NUDC: variants seen among roughly 807,000 people sequenced by gnomAD.
NUDC encodes the protein nuclear distribution C, dynein complex regulator.
NUDC carries 14 observed loss-of-function variants against 45.0 expected under a neutral mutation model. That is an observed-to-expected ratio of 0.31 (90% CI 0.21 to 0.49). The LOEUF is 0.49. Among genes scored for constraint, NUDC ranks in the 20% least tolerant of loss-of-function variants. NUDC has a pLI of 0.99. For missense variants in NUDC, 323 were observed against 426.2 expected, an observed-to-expected ratio of 0.76 and a Z score of 2.13; for synonymous variants, 153 against 156.7, an observed-to-expected ratio of 0.98 and a Z score of 0.17.
At chr1:26,932,684 A>G (rs145805908) in intron 2 of NUDC, among the ~76,000 whole-genome samples, 2 of 152,242 alleles carry the variant, frequency 1.3e-5, no homozygotes, top group East Asian at 3.9e-4. Context: ...TAAGAAACAT[A>G]TTTGTAAGAC....
chr1:26,930,271 G>A (rs1379882135), intron 2 of NUDC, among the ~76,000 whole-genome samples: 1 of 152,134 alleles, frequency 6.6e-6, no homozygotes. Flanking sequence ...CTAGGCTCAG[G>A]CGGTCCTCTC....
chr1:26,922,278 C>T, intron 1 of NUDC: 2 of 393,258 alleles, frequency 5.1e-6, no homozygotes. Context: ...TTGGATCCAC[C>T]AAGGCTTGGG....
At chr1:26,937,962 G>T (rs1382785631) in intron 2 of NUDC, among the ~76,000 whole-genome samples, 1 of 152,188 alleles carries the variant, frequency 6.6e-6, no homozygotes, top group Admixed American at 6.5e-5. Flanking sequence ...ATTAGCATTT[G>T]AATAACAGCT....
chr1:26,918,870 C>T (rs1339020372), upstream of NUDC, among the ~76,000 whole-genome samples: 1 of 152,108 alleles, frequency 6.6e-6, no homozygotes, highest in Non-Finnish European at 1.5e-5. Flanking sequence ...GCCACTGCAC[C>T]CAGCCTAAGT....
intron 2 of NUDC, among the ~76,000 whole-genome samples, chr1:26,929,050 A>G (rs1295758186): frequency 6.6e-6 from 1 of 152,210 alleles, no homozygotes; most frequent in African/African-American, 2.4e-5. Flanking sequence ...ACAATGTGGT[A>G]TAGACATACT....
intron 2 of NUDC, among the ~76,000 whole-genome samples, chr1:26,903,650 T>C (rs1323449633): frequency 6.6e-6 from 1 of 152,054 alleles, no homozygotes; most frequent in Admixed American, 6.6e-5. Flanking sequence ...GAAGGATTGC[T>C]TGAGGCCAGG....
At chr1:26,929,868 A>G (rs1445406535) in intron 2 of NUDC, among the ~76,000 whole-genome samples, 1 of 152,044 alleles carries the variant, frequency 6.6e-6, no homozygotes, top group East Asian at 1.9e-4. Context: ...TACTAAAAAT[A>G]CAAAAATTAG....
chr1:26,932,955 A>G (rs1235401282), intron 2 of NUDC, among the ~76,000 whole-genome samples: 5 of 150,910 alleles, frequency 3.3e-5, no homozygotes, highest in Non-Finnish European at 7.4e-5. Flanking sequence ...CATTATATGT[A>G]TATATCACAA....
At chr1:26,940,970 G>A (rs1460566659) in intron 2 of NUDC, among the ~76,000 whole-genome samples, 3 of 151,654 alleles carry the variant, frequency 2.0e-5, no homozygotes, top group African/African-American at 4.8e-5. Context: ...TCACCAGGCT[G>A]GAGTGCAGTG....
At chr1:26,921,303 C>A (rs1428989459), upstream of NUDC, among the ~76,000 whole-genome samples, 1 of 152,182 alleles carries the variant, frequency 6.6e-6, no homozygotes, top group Non-Finnish European at 1.5e-5. Flanking sequence ...TTTGTACTCC[C>A]ATGAAGCTGG....
chr1:26,905,406 C>T (rs2081999052), intron 2 of NUDC, among the ~76,000 whole-genome samples: 1 of 152,094 alleles, frequency 6.6e-6, no homozygotes, highest in African/African-American at 2.4e-5. Flanking sequence ...GGTGATCCTC[C>T]TGCCTCAGCC....
At chr1:26,900,171 G>C, upstream of NUDC, 1 of 1,614,182 alleles carries the variant, frequency 6.2e-7, no homozygotes, top group Non-Finnish European at 8.5e-7. Flanking sequence ...AGAGTCTCGA[G>C]TGGAGAGAGG....
In NUDC at chr1:26,942,761, C is replaced by G; in HGVS notation, c.531C>G (p.Thr177=). The change falls in exon 5 of 9, where the codon ACC becomes ACG. Residue 177 remains threonine (T), a synonymous_variant. Coordinates refer to ENST00000321265, the MANE Select transcript of NUDC (RefSeq NM_006600.4). ...TGCCCAATTACCGCTGGACCCAGAC[C>G]CTGTCGGAGCTGGACGTGAGTGTCA... ...ADLPNYRWTQ[T]LSELDLAVPF... is the part of the protein sequence containing the mutation. The G allele has an allele frequency of 6.2e-7, 1 of 1,614,170 alleles. No homozygotes were observed.
chr1:26,902,657 G>A (rs959684940), intron 2 of NUDC, among the ~76,000 whole-genome samples: 37 of 152,080 alleles, frequency 2.4e-4, no homozygotes, highest in African/African-American at 7.0e-4. Flanking sequence ...GGTTGAGGTC[G>A]GAGGATCACT....
In NUDC at chr1:26,936,134, A is replaced by AATATATATATATATAT; in HGVS notation, c.160-5306_160-5291dup. 3.2e-3 allele frequency among the ~76,000 whole-genome samples: 22 copies of AATATATATATATATAT among 6,806 alleles called. 2 individuals carry two copies. The highest frequency in any genetic ancestry group is 6.8e-3 in the East Asian group (1 of 146). The allele number at this position is 6,806 out of a possible 152,430, so 4.5% of individuals were successfully genotyped here. A position where few individuals can be genotyped will look rare whatever the true frequency, so the allele number is the denominator to read the frequency against. On this transcript the variant is annotated intron_variant, in intron 2 of 8. Transcript: ENST00000321265. Reference sequence around the variant, plus strand: ...CAGGCACCCACCACCACGCCCGGCTAATATATATATATATATATATATATA... The same window carrying AATATATATATATATAT: ...CAGGCACCCACCACCACGCCCGGCTAATATATATATATATATATATATATATATATATATATATATA...
At chr1:26,913,969 C>T in intron 3 of NUDC, 2 of 1,437,564 alleles carry the variant, frequency 1.4e-6, no homozygotes, top group East Asian at 2.4e-5. Context: ...ACTTCCAGCT[C>T]TCTGGCTCTG....
chr1:26,932,049 C>G (rs2082188238), intron 2 of NUDC, among the ~76,000 whole-genome samples: 3 of 150,456 alleles, frequency 2.0e-5, no homozygotes, highest in Non-Finnish European at 3.0e-5. Context: ...GAGTCTCACT[C>G]TGTCACCCAC....
chr1:26,946,474 T>G lies in NUDC; in HGVS notation c.*293T>G. On this transcript the variant is annotated 3_prime_UTR_variant, in exon 9 of 9. Coordinates refer to ENST00000321265, the MANE Select transcript of NUDC (RefSeq NM_006600.4). ...CGGCTGCTGCTGGGAACTGGGAGTT[T>G]GGCTTCTAGCCCAGATTCTGCCATG... The G allele has an allele frequency of 2.2e-6, 1 of 460,596 alleles. No individual in the cohort carries two copies. The highest frequency in any genetic ancestry group is 4.0e-6 in the Non-Finnish European group (1 of 249,544). 28.5% of individuals were successfully genotyped at this position (460,596 alleles called of 1,614,324 possible).
intron 2 of NUDC, among the ~76,000 whole-genome samples, chr1:26,938,060 G>C (rs895521398): frequency 2.0e-5 from 3 of 152,216 alleles, no homozygotes; most frequent in Non-Finnish European, 4.4e-5. Context: ...CCTCTTCTGG[G>C]GGAGAGTGAC....
Sources: allele counts gnomAD v4.1 joint callset (sites outside exome capture counted in the v4.1 genomes callset), GRCh38; gene constraint gnomAD v4.1.1; transcripts MANE v1.5; gene names NCBI Gene and HGNC (gene_info 2026-07-23, HGNC 2026-07-21).